Variants in RNF150 observed in about 807,000 individuals in gnomAD.
RNF150 encodes ring finger protein 150.
RNF150 carries 24 observed loss-of-function variants against 39.3 expected under a neutral mutation model. That is an observed-to-expected ratio of 0.61 (90% confidence interval 0.44 to 0.86). The LOEUF is 0.86. RNF150 is among the 40% of genes least tolerant of loss of function. RNF150 has a pLI of 0.00. For missense variants in RNF150, 502 were observed against 587.8 expected (o/e 0.85, Z 1.51); for synonymous variants, 255 against 227.3 (o/e 1.12, Z -1.10).
chr4:141,099,425 A>G (rs1419063163), intron 1 of RNF150, among the ~76,000 whole-genome samples: 3 of 152,180 alleles, frequency 2.0e-5, no homozygotes, highest in Non-Finnish European at 4.4e-5. Context: ...AGAAAAAGAA[A>G]GAGAAGAGAC....
chr4:141,166,832 A>G (rs1183534850), intron 1 of RNF150, among the ~76,000 whole-genome samples: 2 of 152,186 alleles, frequency 1.3e-5, no homozygotes, highest in Non-Finnish European at 2.9e-5. Context: ...CCCACAGCCA[A>G]TATAATACTG....
At chr4:140,934,367 C>G (rs1209934936) in intron 4 of RNF150, among the ~76,000 whole-genome samples, 2 of 151,874 alleles carry the variant, frequency 1.3e-5, no homozygotes, top group African/African-American at 2.4e-5. Context: ...AATATAGCAC[C>G]AGTAGTAATC....
At chr4:141,180,770 T>C (rs1727897062) in intron 1 of RNF150, among the ~76,000 whole-genome samples, 1 of 152,190 alleles carries the variant, frequency 6.6e-6, no homozygotes, top group African/African-American at 2.4e-5. Context: ...TCATCTTTCT[T>C]TTTATTTTCA....
rs183350246 is a variant in RNF150, at chr4:140,902,757, C to T, written c.1198+8387G>A. Reference sequence around the variant, plus strand: ...GACCATGATATTTGGAGACAGGGTCCGCTGCGTATAGGAATCCCAGAAGGA... The same window carrying T: ...GACCATGATATTTGGAGACAGGGTCTGCTGCGTATAGGAATCCCAGAAGGA... On this transcript the variant is annotated intron_variant, in intron 6 of 6. Transcript: ENST00000515673. Among the ~76,000 whole-genome samples the T allele has an allele frequency of 2.1e-3, 326 of 152,256 alleles. 1 individual carries two copies. The highest frequency in any genetic ancestry group is 7.3e-3 in the African/African-American group (303 of 41,546).
At position 141,190,766 on chromosome 4, in the gene RNF150, T is replaced by C. The variant is rs150061407; in HGVS notation, c.-6+22028A>G. Among the ~76,000 whole-genome samples the C allele has an allele frequency of 2.4e-3, 359 of 152,374 alleles. 5 individuals are homozygous for C. Among genetic ancestry groups the C allele is most frequent in the African/African-American group, 8.2e-3 (340 of 41,588 alleles). On this transcript the variant is annotated intron_variant, in intron 1 of 7. Transcript: ENST00000420921. ...ACAAATAGTTATTGAACACTAACTA[T>C]GTCTTCTGTCCTGTTAATCCAATCT...
intron 2 of RNF150, among the ~76,000 whole-genome samples, chr4:140,957,222 C>A (rs1046226393): frequency 2.0e-5 from 3 of 152,088 alleles, no homozygotes; most frequent in Non-Finnish European, 4.4e-5. Context: ...AAAACAACCC[C>A]ATCAAAAAGT....
At chr4:141,124,399 C>G (rs771825320) in intron 1 of RNF150, among the ~76,000 whole-genome samples, 1 of 152,200 alleles carries the variant, frequency 6.6e-6, no homozygotes, top group Non-Finnish European at 1.5e-5. Flanking sequence ...GAGTGCCTTC[C>G]TGATAAGATC....
intron 6 of RNF150, among the ~76,000 whole-genome samples, chr4:140,893,327 T>G (rs1050174527): frequency 6.6e-6 from 1 of 152,196 alleles, no homozygotes; most frequent in Non-Finnish European, 1.5e-5. Flanking sequence ...ATCACTTGAA[T>G]GTACTGAATA....
At chr4:141,061,669 T>G (rs1737234967) in intron 1 of RNF150, among the ~76,000 whole-genome samples, 1 of 152,176 alleles carries the variant, frequency 6.6e-6, no homozygotes, top group African/African-American at 2.4e-5. Context: ...ATTCTTATCT[T>G]TGCTTCCAAG....
At chr4:141,171,811 C>T (rs770186994) in intron 1 of RNF150, among the ~76,000 whole-genome samples, 1 of 152,092 alleles carries the variant, frequency 6.6e-6, no homozygotes, top group African/African-American at 2.4e-5. Context: ...CCTCCCTTCC[C>T]ATATTTTGGA....
At position 141,132,446 on chromosome 4, in the gene RNF150, G is replaced by T. The variant is rs758012102; in HGVS notation, c.363C>A (p.Ile121=). The change falls in exon 1 of 7, where the codon ATC becomes ATA. Residue 121 remains isoleucine, a synonymous_variant. Coordinates refer to ENST00000515673, the MANE Select transcript of RNF150 (RefSeq NM_020724.2). The surrounding 1 kb of genome is among the most constrained non-coding windows in gnomAD (Gnocchi z 4.9). ...PTRGKNWIAL[I]PKGNCTYRDK... ...CCCTGTACGTGCAGTTGCCCTTGGG[G>T]ATGAGGGCTATCCAGTTCTTGCCGC... The T allele has an allele frequency of 6.2e-7, 1 of 1,610,752 alleles. No individual in the cohort carries two copies. Among genetic ancestry groups the T allele is most frequent in the South Asian group, 1.1e-5 (1 of 89,982 alleles).
At chr4:141,059,117 T>G (rs981635703) in intron 1 of RNF150, among the ~76,000 whole-genome samples, 1 of 152,210 alleles carries the variant, frequency 6.6e-6, no homozygotes, top group Non-Finnish European at 1.5e-5. Context: ...TCTTCTGCTC[T>G]CTCTACTTTA....
At chr4:141,158,420 G>A (rs532645080) in intron 1 of RNF150, among the ~76,000 whole-genome samples, 5 of 151,632 alleles carry the variant, frequency 3.3e-5, no homozygotes, top group African/African-American at 1.2e-4. Context: ...TTGGCCACTG[G>A]AGGTCACTAT....
intron 6 of RNF150, among the ~76,000 whole-genome samples, chr4:140,905,128 C>T (rs189806511): frequency 9.2e-4 from 140 of 152,312 alleles, no homozygotes; most frequent in Middle Eastern, 6.8e-3. Flanking sequence ...GGCATGAAAA[C>T]CACTTTTCTC....
chr4:140,983,667 T>G (rs1222553142), intron 1 of RNF150, among the ~76,000 whole-genome samples: 1 of 151,850 alleles, frequency 6.6e-6, no homozygotes, highest in East Asian at 1.9e-4. Flanking sequence ...GGAAAGAGAT[T>G]GAAGCTAAAG....
At chr4:141,000,004 AGAAG>A in intron 1 of RNF150, among the ~76,000 whole-genome samples, 1 of 33,942 alleles carries the variant, frequency 2.9e-5, no homozygotes, top group Admixed American at 3.4e-4. Flanking sequence ...AAGAAGAAGA[AGAAG>A]AAGAAGAAGA....
chr4:140,927,788 A>G lies in RNF150; in HGVS notation c.891-1715T>C, dbSNP rs144581960. On this transcript the variant is annotated intron_variant, in intron 4 of 6. Coordinates refer to ENST00000515673, the MANE Select transcript of RNF150 (RefSeq NM_020724.2). ...CTCAGCCTCCCAAGTAGCTGGGATT[A>G]CAGGTGCCCACCACCAAGCCTGGCT... Among the ~76,000 whole-genome samples the G allele has an allele frequency of 2.0e-3, 306 of 151,402 alleles. 6 individuals are homozygous for G. Among genetic ancestry groups the G allele is most frequent in the African/African-American group, 6.8e-3 (280 of 40,876 alleles).
At position 140,923,918 on chromosome 4, in the gene RNF150, C is replaced by T. The variant is rs983180080; in HGVS notation, c.987+2059G>A. ...TTCTCACTCATAGGTGGGAATTGAA[C>T]AATGAGAACACATGGACACAGGAAG... On this transcript the variant is annotated intron_variant, in intron 5 of 6. Transcript: ENST00000515673. Among the ~76,000 whole-genome samples, 58 of 148,452 alleles carry T rather than the reference C, an allele frequency of 3.9e-4. No homozygotes were observed. In the East Asian group the frequency reaches 5.5e-3, roughly 14 times the overall value.
intron 6 of RNF150, among the ~76,000 whole-genome samples, chr4:140,871,348 A>G (rs895079239): frequency 2.0e-5 from 3 of 151,856 alleles, no homozygotes; most frequent in African/African-American, 7.3e-5. Context: ...AATTGTTTTT[A>G]TTTTTGCAAT....
Sources: allele counts gnomAD v4.1 joint callset (sites outside exome capture counted in the v4.1 genomes callset), GRCh38; gene constraint gnomAD v4.1.1; non-coding constraint Gnocchi (gnomAD v3.1); transcripts MANE v1.5; gene names NCBI Gene and HGNC (gene_info 2026-07-23, HGNC 2026-07-21).